AKAP13: variants seen among roughly 807,000 people sequenced by gnomAD.
AKAP13 encodes the protein A-kinase anchoring protein 13.
In AKAP13, 80 loss-of-function variants were observed where a neutral mutation model predicts 264.5. That is an observed-to-expected ratio of 0.30 (90% CI 0.25 to 0.36). The LOEUF is 0.36. Ranked by LOEUF, AKAP13 falls within the 10% of genes least tolerant of loss-of-function variation. The pLI, the probability that AKAP13 is intolerant of heterozygous loss-of-function variation, is 1.00. For missense variants in AKAP13, 3,712 were observed against 3,435.2 expected, an observed-to-expected ratio of 1.08 and a Z score of -2.01; for synonymous variants, 1,380 against 1,250.2, an observed-to-expected ratio of 1.10 and a Z score of -2.19.
intron 17 of AKAP13, among the ~76,000 whole-genome samples, chr15:85,700,712 T>C (rs2085861564): frequency 6.6e-6 from 1 of 152,226 alleles, no homozygotes; most frequent in African/African-American, 2.4e-5. Context: ...ATTCCCAAAT[T>C]TTAACATCAA....
chr15:85,397,855 A>G (rs754556774), intron 1 of AKAP13, among the ~76,000 whole-genome samples: 3 of 152,246 alleles, frequency 2.0e-5, no homozygotes, highest in Non-Finnish European at 4.4e-5. Flanking sequence ...ATTGATAGGC[A>G]GTAACAATAA....
At chr15:85,621,109 AGTG>A (rs1567159793) in intron 8 of AKAP13, among the ~76,000 whole-genome samples, 1 of 152,230 alleles carries the variant, frequency 6.6e-6, no homozygotes, top group Non-Finnish European at 1.5e-5. Flanking sequence ...TCAAGGAAAT[AGTG>A]GACCTATTTT....
chr15:85,670,287 G>A (rs2083850977), intron 14 of AKAP13, among the ~76,000 whole-genome samples: 1 of 151,832 alleles, frequency 6.6e-6, no homozygotes, highest in Non-Finnish European at 1.5e-5. Context: ...GAGAGAATAA[G>A]TTATATCCAT....
chr15:85,723,515 A>G (rs1038285336), intron 26 of AKAP13, among the ~76,000 whole-genome samples, 195 bp downstream of exon 26: 2 of 152,232 alleles, frequency 1.3e-5, no homozygotes, highest in African/African-American at 4.8e-5. Context: ...AAATCATACA[A>G]AATAGAGGAA....
chr15:85,699,103 A>G (rs993520324), intron 17 of AKAP13, among the ~76,000 whole-genome samples: 1 of 152,038 alleles, frequency 6.6e-6, no homozygotes, highest in East Asian at 1.9e-4. Flanking sequence ...ATAGAACAAT[A>G]TATACAGCAT....
intron 1 of AKAP13, among the ~76,000 whole-genome samples, chr15:85,448,773 A>G (rs1242759460): frequency 6.0e-5 from 9 of 149,030 alleles, no homozygotes; most frequent in Admixed American, 6.0e-4. Flanking sequence ...TGTAGCCTTT[A>G]GTATAGTTTG....
chr15:85,424,331 T>A (rs1396880048), intron 1 of AKAP13, among the ~76,000 whole-genome samples: 1 of 152,248 alleles, frequency 6.6e-6, no homozygotes, highest in Non-Finnish European at 1.5e-5. Flanking sequence ...TCCTGCAGCT[T>A]CTGTGTCAGC....
At chr15:85,527,688 T>C (rs760830974) in intron 3 of AKAP13, among the ~76,000 whole-genome samples, 1 of 152,180 alleles carries the variant, frequency 6.6e-6, no homozygotes, top group Non-Finnish European at 1.5e-5. Flanking sequence ...CATAGAGACA[T>C]TTTACACATA....
chr15:85,439,476 A>G (rs2073512111), intron 1 of AKAP13, among the ~76,000 whole-genome samples: 1 of 151,866 alleles, frequency 6.6e-6, no homozygotes. Flanking sequence ...CTGGGTATAT[A>G]CCCAAATGAC....
At chr15:85,713,339 A>G (rs930264564) in intron 19 of AKAP13, among the ~76,000 whole-genome samples, 1 of 152,116 alleles carries the variant, frequency 6.6e-6, no homozygotes, top group Non-Finnish European at 1.5e-5. Context: ...CATTAATACT[A>G]CATAATTACT....
chr15:85,398,086 T>C (rs2071207779), intron 1 of AKAP13, among the ~76,000 whole-genome samples: 1 of 152,228 alleles, frequency 6.6e-6, no homozygotes, highest in African/African-American at 2.4e-5. Flanking sequence ...ACATGGATCT[T>C]ACTCTAGAAC....
At chr15:85,477,808 C>T (rs1452638645) in intron 1 of AKAP13, among the ~76,000 whole-genome samples, 1 of 152,146 alleles carries the variant, frequency 6.6e-6, no homozygotes, top group Non-Finnish European at 1.5e-5. Flanking sequence ...TTTCTTCTCT[C>T]TCCCTGCCTC....
chr15:85,575,772 A>C (rs2078989621), intron 6 of AKAP13, among the ~76,000 whole-genome samples: 1 of 152,056 alleles, frequency 6.6e-6, no homozygotes, highest in South Asian at 2.1e-4. Flanking sequence ...ACACAGGTGG[A>C]TCACTTGAGC....
chr15:85,717,479 A>T, intron 21 of AKAP13, 77 bp downstream of exon 21: 1 of 1,004,484 alleles, frequency 1.0e-6, no homozygotes, highest in Non-Finnish European at 1.5e-6. Context: ...CATAAGTCTT[A>T]ATGGAGTGAC....
intron 8 of AKAP13, among the ~76,000 whole-genome samples, chr15:85,631,834 T>G (rs1259837453): frequency 6.6e-6 from 1 of 152,154 alleles, no homozygotes; most frequent in African/African-American, 2.4e-5. Context: ...CCTGAAGTTG[T>G]TACAAAATAA....
chr15:85,387,151 A>G (rs759442072), intron 1 of AKAP13, among the ~76,000 whole-genome samples: 22 of 152,126 alleles, frequency 1.4e-4, no homozygotes, highest in Non-Finnish European at 2.9e-4. Context: ...CCTGGCTGAC[A>G]TGGCAAAACC....
chr15:85,495,274 T>C (rs1360427697), intron 2 of AKAP13, among the ~76,000 whole-genome samples: 1 of 152,148 alleles, frequency 6.6e-6, no homozygotes, highest in Non-Finnish European at 1.5e-5. Context: ...AGAATAATGT[T>C]CTTTACTGGT....
chr15:85,685,195 A>G (rs748679312), intron 16 of AKAP13: 34 of 184,394 alleles, frequency 1.8e-4, no homozygotes, highest in Non-Finnish European at 3.5e-4. Flanking sequence ...GTGAAGAAGT[A>G]GTTCAAACCA....
At chr15:85,693,225 GA>G in intron 16 of AKAP13, 51 bp from the exon 17 acceptor site, 2 of 1,497,440 alleles carry the variant, frequency 1.3e-6, no homozygotes, top group East Asian at 2.5e-5. Context: ...CAGGTAAGGA[GA>G]AAGCCCTCCA....
Sources: gnomAD v4.1 joint callset for allele counts (sites outside exome capture counted in the v4.1 genomes callset) on GRCh38, gnomAD v4.1.1 for gene constraint, MANE v1.5 for transcripts, NCBI Gene and HGNC (gene_info 2026-07-23, HGNC 2026-07-21) for gene names.